Variants in NCKAP5 observed in about 807,000 individuals in gnomAD.
NCKAP5 encodes the protein nck-associated protein 5.
A neutral mutation model predicts 167.0 loss-of-function variants in NCKAP5; 92 were observed. That is an observed-to-expected ratio of 0.55 (90% CI 0.47 to 0.66). The LOEUF (loss-of-function observed/expected upper bound fraction) is 0.66, where lower values mean the gene tolerates loss of function less well. Ranked by LOEUF, NCKAP5 falls within the 30% of genes least tolerant of loss-of-function variation. The pLI, the probability that NCKAP5 is intolerant of heterozygous loss-of-function variation, is 0.00. For missense variants in NCKAP5, 2,378 were observed against 2,315.0 expected (o/e 1.03, Z -0.56); for synonymous variants, 891 against 877.4 (o/e 1.02, Z -0.27).
At chr2:133,207,619 AAAG>A (rs1004754008) in intron 5 of NCKAP5, among the ~76,000 whole-genome samples, 5 of 152,086 alleles carry the variant, frequency 3.3e-5, no homozygotes, top group African/African-American at 1.2e-4. Context: ...TGCCAGAAAG[AAAG>A]AAGAAGTGCT....
rs536378327 is a variant in NCKAP5, at chr2:133,266,505, C to G, written c.143+36532G>C. 2.0e-5 allele frequency: 3 copies of G among 152,712 alleles called. No individual in the cohort carries two copies. The South Asian group carries it at 6.2e-4, about 32-fold the overall frequency. 9.5% of individuals were successfully genotyped at this position (152,712 alleles called of 1,614,324 possible). A position where few individuals can be genotyped will look rare whatever the true frequency, so the allele number is the denominator to read the frequency against. ...GCCTGGGCGGGGAGTGGGCTGGCGT[C>G]TCCTTACCTGGCCTTCGGTGGAGCA... On this transcript the variant is annotated intron_variant, in intron 4 of 19. Transcript: ENST00000409261.
At chr2:133,113,324 C>T (rs779819547) in intron 6 of NCKAP5, among the ~76,000 whole-genome samples, 5 of 151,626 alleles carry the variant, frequency 3.3e-5, no homozygotes, top group African/African-American at 7.3e-5. Flanking sequence ...ATACAACTAA[C>T]GTTCAGTTTA....
intron 3 of NCKAP5, among the ~76,000 whole-genome samples, chr2:133,465,076 T>C (rs1692466189): frequency 6.6e-6 from 1 of 151,938 alleles, no homozygotes; most frequent in South Asian, 2.1e-4. Context: ...GTTACATATG[T>C]ATACATGTGC....
At chr2:133,356,701 A>G (rs1269652312) in intron 3 of NCKAP5, among the ~76,000 whole-genome samples, 1 of 152,244 alleles carries the variant, frequency 6.6e-6, no homozygotes, top group Non-Finnish European at 1.5e-5. Context: ...ATACCCAACA[A>G]GAAGAAAGTC....
intron 4 of NCKAP5, among the ~76,000 whole-genome samples, chr2:133,290,479 T>C (rs1313027097): frequency 6.6e-6 from 1 of 152,200 alleles, no homozygotes; most frequent in African/African-American, 2.4e-5. Context: ...CACTATGACA[T>C]GCAGTGACAT....
chr2:133,601,929 G>A, the NCKAP5 span, among the ~76,000 whole-genome samples: 16 of 152,016 alleles, frequency 1.1e-4, no homozygotes, highest in Non-Finnish European at 2.2e-4. Context: ...TCACAGACCC[G>A]GACACCCAGG....
intron 6 of NCKAP5, among the ~76,000 whole-genome samples, chr2:133,125,893 T>C (rs1185447480): frequency 6.6e-6 from 1 of 152,172 alleles, no homozygotes; most frequent in Non-Finnish European, 1.5e-5. Flanking sequence ...CTGATCATTA[T>C]AGCCTAATCA....
intron 11 of NCKAP5, among the ~76,000 whole-genome samples, chr2:132,801,310 T>C (rs945530445): frequency 4.6e-5 from 7 of 152,192 alleles, no homozygotes; most frequent in Non-Finnish European, 1.0e-4. Flanking sequence ...CATGATTCGT[T>C]TGGAGTTTGT....
intron 3 of NCKAP5, among the ~76,000 whole-genome samples, chr2:133,458,050 A>G (rs1456149309): frequency 1.3e-5 from 2 of 152,142 alleles, no homozygotes; most frequent in Admixed American, 6.5e-5. Flanking sequence ...CCATGCCTGG[A>G]GGCTATGTTA....
chr2:133,436,290 G>A (rs151172204), intron 3 of NCKAP5, among the ~76,000 whole-genome samples: 3 of 152,236 alleles, frequency 2.0e-5, no homozygotes, highest in Admixed American at 6.5e-5. Flanking sequence ...CCAGAGATGC[G>A]GTTTTATTCG....
At chr2:133,665,048 G>A in the NCKAP5 span, among the ~76,000 whole-genome samples, 1 of 152,162 alleles carries the variant, frequency 6.6e-6, no homozygotes, top group South Asian at 2.1e-4. Flanking sequence ...ATTAGGCTTT[G>A]GCTTAAGGAA....
rs114434198 is a variant in NCKAP5, at chr2:132,992,330, C to T, written c.429+1822G>A. Among the ~76,000 whole-genome samples, 821 of 152,264 alleles carry T rather than the reference C, an allele frequency of 5.4e-3. 5 individuals are homozygous for T. Among genetic ancestry groups the T allele is most frequent in the African/African-American group, 0.018 (743 of 41,560 alleles). ...TGTTTTTCTAAGCAGCTTTCCGTTT[C>T]GCAAAATGAATGCTGCTGATGATGT... On this transcript the variant is annotated intron_variant, in intron 7 of 19. Transcript: ENST00000409261.
chr2:133,547,632 C>G (rs13013904), intron 2 of NCKAP5, among the ~76,000 whole-genome samples: 3 of 149,330 alleles, frequency 2.0e-5, no homozygotes, highest in Admixed American at 6.6e-5. Context: ...ACACCTCACA[C>G]GGCAGGGTAT....
the NCKAP5 span, among the ~76,000 whole-genome samples, chr2:133,637,463 T>C: frequency 5.2e-5 from 4 of 76,596 alleles, no homozygotes; most frequent in Admixed American, 3.8e-4. Context: ...GAACTTCATA[T>C]ATTGGTATTT....
rs143897356 is a variant in NCKAP5 at position 133,044,337 on chromosome 2, T to C, written c.342-50098A>G. On this transcript the variant is annotated intron_variant, in intron 6 of 19. Coordinates refer to ENST00000409261, the MANE Select transcript of NCKAP5 (RefSeq NM_207363.3). ...ACAAAGTGAAAGAAGATAGTTGCAA[T>C]GCATATAACCAAAAAAGGACTGGTA... Among the ~76,000 whole-genome samples the C allele has an allele frequency of 3.2e-3, 483 of 152,134 alleles. 5 individuals are homozygous for C. Among genetic ancestry groups the C allele is most frequent in the African/African-American group, 0.01 (420 of 41,492 alleles).
chr2:133,510,592 C>G (rs1382048149), intron 3 of NCKAP5, among the ~76,000 whole-genome samples: 1 of 152,220 alleles, frequency 6.6e-6, no homozygotes, highest in East Asian at 1.9e-4. Flanking sequence ...TCCCTCTGAT[C>G]TAGACTGTTC....
intron 5 of NCKAP5, among the ~76,000 whole-genome samples, chr2:133,155,940 T>C (rs2083561565): frequency 6.6e-6 from 1 of 152,230 alleles, no homozygotes. Context: ...TCTGTTTCTG[T>C]GGTGAACTCT....
At chr2:133,411,992 A>G (rs1688801871) in intron 3 of NCKAP5, among the ~76,000 whole-genome samples, 2 of 152,196 alleles carry the variant, frequency 1.3e-5, no homozygotes, top group Admixed American at 6.5e-5. Flanking sequence ...GTTCATCTGC[A>G]TATCAGGGAT....
chr2:132,692,283 C>T (rs1003673786), intron 19 of NCKAP5, among the ~76,000 whole-genome samples: 1 of 152,028 alleles, frequency 6.6e-6, no homozygotes, highest in Non-Finnish European at 1.5e-5. Flanking sequence ...GGTGGGATTA[C>T]AGGTGTCCAC....
Sources: allele counts gnomAD v4.1 joint callset (sites outside exome capture counted in the v4.1 genomes callset), GRCh38; gene constraint gnomAD v4.1.1; transcripts MANE v1.5; gene names NCBI Gene and HGNC (gene_info 2026-07-23, HGNC 2026-07-21).